The following LRP5 variants were observed in gnomAD, a reference collection of about 807,000 sequenced individuals.
LRP5 encodes low-density lipoprotein receptor-related protein 5.
In LRP5, 62 loss-of-function variants were observed where a neutral mutation model predicts 154.1. The ratio of observed to expected loss-of-function variants is 0.40; its 90% CI spans 0.33 to 0.50. The LOEUF (loss-of-function observed/expected upper bound fraction) is 0.50, where lower values mean the gene tolerates loss of function less well. Among genes scored for constraint, LRP5 ranks in the 20% least tolerant of loss-of-function variants. The pLI is 0.55. For synonymous variants in LRP5, 966 were observed against 1,011.5 expected, an observed-to-expected ratio of 0.96 and a Z score of 0.85; for missense variants, 1,915 against 2,336.7, an observed-to-expected ratio of 0.82 and a Z score of 3.72.
chr11:68,425,298 C>A lies in LRP5; in HGVS notation c.3427+6C>A. The A allele has an allele frequency of 1.9e-6, 3 of 1,602,224 alleles. No individual in the cohort carries two copies. Among genetic ancestry groups the A allele is most frequent in the South Asian group, 1.1e-5 (1 of 90,508 alleles). On this transcript the variant is annotated splice_donor_region_variant and intron_variant, in intron 15 of 22. Coordinates refer to ENST00000294304, the MANE Select transcript of LRP5 (RefSeq NM_002335.4). ...TGAGAGCTGTGACCTGTCAGGTACG[C>A]GCCCCGGGGCCTGCCCTAACCGCAG... is the stretch of plus-strand genomic sequence containing the variant.
intron 5 of LRP5, among the ~76,000 whole-genome samples, chr11:68,372,257 C>T (rs111577865): frequency 8.8e-4 from 117 of 132,530 alleles, no homozygotes; most frequent in African/African-American, 2.8e-3. Context: ...GACCCGGGAC[C>T]GTGGTGATGA....
At chr11:68,349,858 C>G (rs1367042724) in intron 2 of LRP5, among the ~76,000 whole-genome samples, 1 of 152,168 alleles carries the variant, frequency 6.6e-6, no homozygotes, top group African/African-American at 2.4e-5. Flanking sequence ...GTACACACAC[C>G]CTTACCTGGG....
At position 68,344,567 on chromosome 11, in the gene LRP5, G is replaced by A. The variant is rs549988675; in HGVS notation, c.92-3280G>A. ...ACTCCTGGCCTTAAGTGATCTGCCC[G>A]CCTCGGCCTCCCAAAGTGCTGAGAT... On this transcript the variant is annotated intron_variant, in intron 1 of 22. Transcript: ENST00000294304. Among the ~76,000 whole-genome samples the A allele has an allele frequency of 2.0e-5, 3 of 152,072 alleles. No individual in the cohort carries two copies. In the East Asian group the frequency reaches 5.8e-4, roughly 30 times the overall value.
intron 1 of LRP5, among the ~76,000 whole-genome samples, chr11:68,322,550 G>A (rs2098597319): frequency 6.6e-6 from 1 of 152,254 alleles, no homozygotes; most frequent in African/African-American, 2.4e-5. Context: ...CCTGGTGTGG[G>A]CACTTCTCTT....
Position 68,416,544 on chromosome 11 carries a change from A to C in LRP5, c.3027+17A>C. ...GGGACCCAGGCAGGTGCCCTGTGGG[A>C]AGGGTGCGGGGTGTGCTTCCCAAGG... On this transcript the variant is annotated intron_variant, in intron 13 of 22. Transcript: ENST00000294304. The C allele has an allele frequency of 6.2e-7, 1 of 1,613,472 alleles. No individual in the cohort carries two copies. Among genetic ancestry groups the C allele is most frequent in the Middle Eastern group, 1.6e-4 (1 of 6,062 alleles).
intron 5 of LRP5, among the ~76,000 whole-genome samples, chr11:68,369,855 G>C (rs547075470): frequency 6.6e-6 from 1 of 152,142 alleles, no homozygotes; most frequent in African/African-American, 2.4e-5. Context: ...ACCCTGGCTT[G>C]CAAAGGGCCA....
At chr11:68,324,546 G>C (rs976157166) in intron 1 of LRP5, among the ~76,000 whole-genome samples, 4 of 152,246 alleles carry the variant, frequency 2.6e-5, no homozygotes, top group Non-Finnish European at 5.9e-5. Context: ...GGTGTGCAGA[G>C]GATGGGTCAC....
intron 2 of LRP5, among the ~76,000 whole-genome samples, chr11:68,356,275 T>C (rs998088308): frequency 2.0e-5 from 3 of 151,774 alleles, no homozygotes; most frequent in African/African-American, 4.8e-5. Context: ...CCCAAGTAGC[T>C]GGGACTACAA....
chr11:68,389,496 G>A (rs138824915), intron 6 of LRP5, among the ~76,000 whole-genome samples: 32 of 150,936 alleles, frequency 2.1e-4, no homozygotes, highest in African/African-American at 6.8e-4. Context: ...ACCAACACCA[G>A]CATCTACCAA....
intron 5 of LRP5, among the ~76,000 whole-genome samples, chr11:68,375,954 C>T (rs1169433324): frequency 1.3e-5 from 2 of 152,120 alleles, no homozygotes; most frequent in Non-Finnish European, 2.9e-5. Flanking sequence ...TAGGTGGGGC[C>T]GCGTGAACTG....
At chr11:68,359,690 A>C (rs2098626054) in intron 3 of LRP5, among the ~76,000 whole-genome samples, 1 of 151,156 alleles carries the variant, frequency 6.6e-6, no homozygotes, top group Non-Finnish European at 1.5e-5. Flanking sequence ...TTATATTTTT[A>C]TTGTTTTGAG....
At chr11:68,354,235 G>A (rs1239246718) in intron 2 of LRP5, among the ~76,000 whole-genome samples, 1 of 152,218 alleles carries the variant, frequency 6.6e-6, no homozygotes, top group Non-Finnish European at 1.5e-5. Context: ...GTGGAATTTG[G>A]CTGGGCTTGT....
In LRP5 at chr11:68,365,614, G is replaced by A. The variant is rs1305268536; in HGVS notation, c.927G>A (p.Leu309=). The stretch of plus-strand genomic sequence containing the variant: ...AGGACAATGGCGGCTGCTCCCACCT[G>A]TGCCTGCTGTCCCCAAGCGAGCCTT... ...CEEDNGGCSH[L]CLLSPSEPFY... The change falls in exon 5 of 23, where the codon CTG becomes CTA. Residue 309 remains leucine (L), a synonymous_variant. Coordinates refer to ENST00000294304, the MANE Select transcript of LRP5 (RefSeq NM_002335.4). 1.9e-6 allele frequency: 3 copies of A among 1,613,918 alleles called. No individual in the cohort carries two copies. The highest frequency in any genetic ancestry group is 2.5e-6 in the Non-Finnish European group (3 of 1,180,016).
chr11:68,310,043 G>T (rs1281032870), upstream of LRP5, among the ~76,000 whole-genome samples: 14 of 152,238 alleles, frequency 9.2e-5, no homozygotes, highest in African/African-American at 3.1e-4. Flanking sequence ...TACACTCTCT[G>T]CTCTCCTGGA....
At chr11:68,446,592 G>T in intron 22 of LRP5, 59 bp downstream of exon 22, 1 of 1,427,120 alleles carries the variant, frequency 7.0e-7, no homozygotes, top group Non-Finnish European at 9.9e-7. Flanking sequence ...CGTGGTGGAG[G>T]GGCCTAATCC....
chr11:68,338,867 GTTTTTTTTTTT>G (rs11382677), intron 1 of LRP5, among the ~76,000 whole-genome samples: 5 of 91,940 alleles, frequency 5.4e-5, no homozygotes, highest in Non-Finnish European at 9.4e-5. Context: ...CTTTTGTTTA[GTTTTTTTTTTT>G]TTTTTTTTTT....
In LRP5 at chr11:68,429,575, C is replaced by T. The variant is rs745554938; in HGVS notation, c.3638C>T (p.Ser1213Leu). ...AVEEVSLEEF[S>L]AHPCARDNGG... ...TGTTTGTCTTGTTTTGTCTTTGCAG[C>T]AGCCCACCCATGTGCCCGTGACAAT... is the stretch of plus-strand genomic sequence containing the variant. Residue 1213 changes from serine to leucine, a missense_variant and splice_region_variant, in exon 17 of 23, where the codon TCA becomes TTA. Coordinates refer to ENST00000294304, the MANE Select transcript of LRP5 (RefSeq NM_002335.4). The T allele has an allele frequency of 6.2e-7, 1 of 1,614,100 alleles. No homozygotes were observed. Among genetic ancestry groups the T allele is most frequent in the Admixed American group, 1.7e-5 (1 of 60,030 alleles).
At chr11:68,299,933 C>G in the LRP5 span, among the ~76,000 whole-genome samples, 1 of 148,226 alleles carries the variant, frequency 6.7e-6, no homozygotes, top group African/African-American at 2.4e-5. Context: ...GAGTCTTGTT[C>G]TGTTGCCAGG....
In LRP5 at chr11:68,353,231, C is replaced by T. The variant is rs1328044486; in HGVS notation, c.489-4419C>T. ...AGGATCACACCTGTGGCTGTTCACT[C>T]CCACCCCTGCCCCTGGGGCAAAGTT... On this transcript the variant is annotated intron_variant, in intron 2 of 22. Coordinates refer to ENST00000294304, the MANE Select transcript of LRP5 (RefSeq NM_002335.4). This position sits in a 1 kb window ranked among gnomAD's most constrained non-coding sequence, Gnocchi z 4.5. Among the ~76,000 whole-genome samples, 2 of 152,190 alleles carry T rather than the reference C, an allele frequency of 1.3e-5. No homozygotes were observed. The highest frequency in any genetic ancestry group is 2.9e-5 in the Non-Finnish European group (2 of 68,018).
Sources: gnomAD v4.1 joint callset for allele counts (sites outside exome capture counted in the v4.1 genomes callset) on GRCh38, gnomAD v4.1.1 for gene constraint, Gnocchi (gnomAD v3.1) non-coding constraint, MANE v1.5 for transcripts, NCBI Gene and HGNC (gene_info 2026-07-23, HGNC 2026-07-21) for gene names.